ZNF892: variants seen among roughly 807,000 people sequenced by gnomAD.
ZNF892 encodes zinc finger protein 892.
chr2:95,244,120 T>C, the ZNF892 span, among the ~76,000 whole-genome samples: 4 of 150,936 alleles, frequency 2.7e-5, no homozygotes, highest in African/African-American at 7.3e-5. Flanking sequence ...AGATGTGCTT[T>C]GTTAAACAGA....
the ZNF892 span, among the ~76,000 whole-genome samples, chr2:95,211,923 A>G: frequency 6.6e-6 from 1 of 152,180 alleles, no homozygotes; most frequent in African/African-American, 2.4e-5. Flanking sequence ...ATGGACTTGT[A>G]GCATCCTTCT....
the ZNF892 span, among the ~76,000 whole-genome samples, chr2:95,238,025 G>C: frequency 6.6e-6 from 1 of 152,240 alleles, no homozygotes; most frequent in African/African-American, 2.4e-5. Flanking sequence ...GATGAAAGCA[G>C]CCAGTGCTGA....
chr2:95,254,524 A>T, the ZNF892 span, among the ~76,000 whole-genome samples: 1 of 152,126 alleles, frequency 6.6e-6, no homozygotes, highest in South Asian at 2.1e-4. Context: ...TTCATCAGGG[A>T]TATTGGTCTA....
At chr2:95,257,480 A>G in the ZNF892 span, among the ~76,000 whole-genome samples, 1 of 152,044 alleles carries the variant, frequency 6.6e-6, no homozygotes, top group Non-Finnish European at 1.5e-5. Flanking sequence ...TTCTGCCCCT[A>G]CTGGGGGGTG....
At chr2:95,229,730 G>A in the ZNF892 span, among the ~76,000 whole-genome samples, 1 of 152,086 alleles carries the variant, frequency 6.6e-6, no homozygotes, top group African/African-American at 2.4e-5. Context: ...TTTCCAGTTT[G>A]GGGGCTCTCA....
At chr2:95,208,568 C>T in the ZNF892 span, 2 of 398,164 alleles carry the variant, frequency 5.0e-6, no homozygotes, top group Non-Finnish European at 4.4e-6. Flanking sequence ...TCTTAGATGA[C>T]AACTAGCTGG....
chr2:95,214,527 A>G, the ZNF892 span: 3 of 398,512 alleles, frequency 7.5e-6, no homozygotes, highest in African/African-American at 6.2e-5. Flanking sequence ...GAAATCTTCT[A>G]GGGAGAGAAG....
the ZNF892 span, among the ~76,000 whole-genome samples, chr2:95,255,203 C>T: frequency 6.6e-6 from 1 of 152,048 alleles, no homozygotes; most frequent in Non-Finnish European, 1.5e-5. Context: ...CCTGCTTTCT[C>T]TTGTGGGCAT....
chr2:95,218,527 A>C, the ZNF892 span, among the ~76,000 whole-genome samples: 1 of 151,980 alleles, frequency 6.6e-6, no homozygotes, highest in Non-Finnish European at 1.5e-5. Context: ...TTTAATATCC[A>C]TATCTCTAGC....
chr2:95,225,991 TC>T, the ZNF892 span, among the ~76,000 whole-genome samples: 1 of 152,226 alleles, frequency 6.6e-6, no homozygotes, highest in Non-Finnish European at 1.5e-5. Flanking sequence ...GAAATCTTGT[TC>T]CTGCAGCTCT....
chr2:95,227,699 C>T, the ZNF892 span, among the ~76,000 whole-genome samples: 12 of 152,100 alleles, frequency 7.9e-5, no homozygotes, highest in Admixed American at 2.0e-4. Flanking sequence ...TCAGTGTAAC[C>T]TTGAACTCCT....
the ZNF892 span, among the ~76,000 whole-genome samples, chr2:95,256,148 T>C: frequency 6.6e-6 from 1 of 152,358 alleles, no homozygotes; most frequent in Non-Finnish European, 1.5e-5. Context: ...CATTAGTTGA[T>C]GCAGTTTCTT....
chr2:95,222,775 A>G, the ZNF892 span, among the ~76,000 whole-genome samples: 4 of 152,194 alleles, frequency 2.6e-5, no homozygotes, highest in Non-Finnish European at 4.4e-5. Context: ...TTAAATGTTA[A>G]TGAAGTCCAG....
chr2:95,250,593 T>C, the ZNF892 span, among the ~76,000 whole-genome samples: 33 of 99,012 alleles, frequency 3.3e-4, 2 homozygotes, highest in Non-Finnish European at 3.9e-4. Context: ...AAGCTATTCA[T>C]AAATTATAAA....
the ZNF892 span, among the ~76,000 whole-genome samples, chr2:95,209,675 T>C: frequency 6.6e-6 from 1 of 152,314 alleles, no homozygotes; most frequent in East Asian, 1.9e-4. Flanking sequence ...TAGATCGCTT[T>C]CAGAAAGATG....
At chr2:95,218,622 T>A in the ZNF892 span, among the ~76,000 whole-genome samples, 1 of 152,106 alleles carries the variant, frequency 6.6e-6, no homozygotes, top group Non-Finnish European at 1.5e-5. Flanking sequence ...TACAGCAGCA[T>A]CCCCCTTCTG....
At chr2:95,255,384 CAGT>C in the ZNF892 span, among the ~76,000 whole-genome samples, 2 of 152,124 alleles carry the variant, frequency 1.3e-5, no homozygotes, top group Non-Finnish European at 2.9e-5. Flanking sequence ...TGTAGTTGAG[CAGT>C]TTTGAGTGAG....
chr2:95,245,584 G>GAA, the ZNF892 span, among the ~76,000 whole-genome samples: 85,832 of 125,650 alleles, frequency 0.68, 28,868 homozygotes, highest in Admixed American at 0.73. Context: ...CTGGTTTTTT[G>GAA]AAAAAAAAAA....
At chr2:95,212,630 A>T in the ZNF892 span, among the ~76,000 whole-genome samples, 1 of 152,210 alleles carries the variant, frequency 6.6e-6, no homozygotes, top group Non-Finnish European at 1.5e-5. Context: ...TGAGTCTCAG[A>T]TCAATGACTG....
Sources: gnomAD v4.1 joint callset for allele counts (sites outside exome capture counted in the v4.1 genomes callset) on GRCh38, gnomAD v4.1.1 for gene constraint, MANE v1.5 for transcripts, NCBI Gene and HGNC (gene_info 2026-07-23, HGNC 2026-07-21) for gene names.